SMC1A: variants seen among roughly 807,000 people sequenced by gnomAD.
SMC1A encodes the protein structural maintenance of chromosomes protein 1A.
SMC1A carries 4 observed loss-of-function variants against 94.5 expected under a neutral mutation model. The ratio of observed to expected loss-of-function variants is 0.04; its 90% CI spans 0.02 to 0.10. SMC1A has a LOEUF of 0.10. SMC1A is among the 10% of genes least tolerant of loss of function. The pLI is 1.00. For missense variants in SMC1A, 304 were observed against 989.0 expected, an observed-to-expected ratio of 0.31 and a Z score of 9.29; for synonymous variants, 345 against 347.7, an observed-to-expected ratio of 0.99 and a Z score of 0.09.
At chrX:53,382,088 G>C in intron 22 of SMC1A, 144 bp downstream of exon 22, 5 of 707,559 alleles carry the variant, frequency 7.1e-6, no homozygotes, top group African/African-American at 2.1e-5. Flanking sequence ...AGCCAGATAT[G>C]CTGCAGTAGA....
At chrX:53,416,808 G>A (rs1179104184) in intron 1 of SMC1A, among the ~76,000 whole-genome samples, 1 of 111,482 alleles carries the variant, frequency 9.0e-6, no homozygotes, top group Non-Finnish European at 1.9e-5. Flanking sequence ...CTTAAAAATG[G>A]TTAATTTAGG....
intron 19 of SMC1A, among the ~76,000 whole-genome samples, chrX:53,385,110 G>A (rs187024393): frequency 9.1e-6 from 1 of 109,817 alleles, no homozygotes. Flanking sequence ...AGATTATAAA[G>A]GGCCTTATAA....
Position 53,403,549 on chromosome X carries a change from C to T in SMC1A, c.2420+17G>A. 1 of 1,155,466 alleles carries T rather than the reference C, an allele frequency of 8.7e-7. No individual in the cohort carries two copies. The highest frequency in any genetic ancestry group is 1.2e-6 in the Non-Finnish European group (1 of 852,871). On this transcript the variant is annotated intron_variant, in intron 15 of 24. Transcript: ENST00000322213. ...CTCAAGGGCATGCCAATCTCTTCTA[C>T]CAATCCTCCCACCTACCGCTTCTTG... is the stretch of plus-strand genomic sequence containing the variant.
intron 16 of SMC1A, 31 bp from the exon 17 acceptor site, chrX:53,396,648 G>A (rs1355131251): frequency 3.3e-6 from 4 of 1,194,099 alleles, no homozygotes; most frequent in Non-Finnish European, 4.5e-6. Context: ...AGGACAATAG[G>A]TGAAGACTTT....
intron 19 of SMC1A, among the ~76,000 whole-genome samples, chrX:53,390,695 C>T (rs1403739959): frequency 9.3e-6 from 1 of 107,874 alleles, no homozygotes; most frequent in Non-Finnish European, 1.9e-5. Flanking sequence ...ATGTGAGCAT[C>T]AAGAAGAAAA....
chrX:53,382,061 A>G lies in SMC1A; in HGVS notation c.3437+171T>C. The G allele has an allele frequency of 5.5e-6, 3 of 540,651 alleles. No homozygotes were observed. In the Admixed American group the frequency reaches 8.3e-5, roughly 15 times the overall value. 44.6% of individuals were successfully genotyped at this position (540,651 alleles called of 1,213,427 possible). A position where few individuals can be genotyped will look rare whatever the true frequency, so the allele number is the denominator to read the frequency against. ...GCAGATGAGGGTGGATGGGGAAGAC[A>G]GGTCCAGAAAAACCAAAGCCAGATA... On this transcript the variant is annotated intron_variant, in intron 22 of 24. Coordinates refer to ENST00000322213, the MANE Select transcript of SMC1A (RefSeq NM_006306.4).
chrX:53,383,825 CTG>C (rs1385280742), intron 19 of SMC1A, among the ~76,000 whole-genome samples: 2 of 112,177 alleles, frequency 1.8e-5, no homozygotes, highest in Non-Finnish European at 3.8e-5. Flanking sequence ...CCATCCTGTC[CTG>C]TGAGCCCTGG....
rs182736523 is a variant in SMC1A, at chrX:53,403,134, T to C, written c.2420+432A>G. On this transcript the variant is annotated intron_variant, in intron 15 of 24. Coordinates refer to ENST00000322213, the MANE Select transcript of SMC1A (RefSeq NM_006306.4). ...AGCCTGGGAAGGTCAAGATTGACAC[T>C]GCACTCCAGTCTCGGAAACAGAGTG... Among the ~76,000 whole-genome samples, 341 of 79,974 alleles carry C rather than the reference T, an allele frequency of 4.3e-3. 1 individual carries two copies. The highest frequency in any genetic ancestry group is 0.012 in the Admixed American group (65 of 5,344). The allele number at this position is 79,974 out of a possible 115,157, so 69.4% of individuals were successfully genotyped here. A position where few individuals can be genotyped will look rare whatever the true frequency, so the allele number is the denominator to read the frequency against.
At chrX:53,403,726 G>T in intron 14 of SMC1A, 51 bp downstream of exon 14, 1 of 1,175,859 alleles carries the variant, frequency 8.5e-7, no homozygotes, top group Non-Finnish European at 1.2e-6. Context: ...CCTGCTTCCA[G>T]TCCCAGTCCT....
chrX:53,405,205 A>C, intron 12 of SMC1A, 40 bp downstream of exon 12: 1 of 1,212,050 alleles, frequency 8.3e-7, no homozygotes, highest in East Asian at 3.0e-5. Context: ...ACCTAGGCTT[A>C]GGACTCCCAC....
At chrX:53,412,292 G>A (rs1556890642) in intron 5 of SMC1A, 39 bp from the exon 6 acceptor site, 1 of 1,191,033 alleles carries the variant, frequency 8.4e-7, no homozygotes. Context: ...TGAGAACTAT[G>A]GAAGAAGGGA....
In SMC1A at chrX:53,414,843, T is replaced by C; in HGVS notation, c.326A>G (p.Asn109Ser). 4 of 1,206,298 alleles carry C rather than the reference T, an allele frequency of 3.3e-6. No homozygotes were observed. Among genetic ancestry groups the C allele is most frequent in the Non-Finnish European group, 4.5e-6 (4 of 890,582 alleles). The change falls in exon 3 of 25, where the codon AAC becomes AGC. Residue 109 changes from asparagine to serine, a missense_variant. By Grantham distance (46) the Asn-to-Ser change is conservative. Around this residue, in one of 11 missense-constraint regions of SMC1A, gnomAD observed 120 missense variants for 314.9 expected, o/e 0.38. Coordinates refer to ENST00000322213, the MANE Select transcript of SMC1A (RefSeq NM_006306.4). ...GTACTCATGTAGTTGGACCACTTTG[T>C]TGTTGATCTTGTACTCAGAAGAACC... ...VGGSSEYKIN[N>S]KVVQLHEYSE...
intron 1 of SMC1A, among the ~76,000 whole-genome samples, chrX:53,419,574 G>A (rs1304606401): frequency 3.7e-5 from 4 of 107,252 alleles, no homozygotes; most frequent in African/African-American, 1.0e-4. Context: ...ACCTGTAATC[G>A]CAGCACTTTG....
rs188508593 is a variant in SMC1A, at chrX:53,386,674, G to A, written c.2974-3421C>T. ...CAAATGTGGTAAAATATTCACTGGTGAATCTAAGGTGAAAGGCATATGAGT... is the reference window on the plus strand; with the variant it reads ...CAAATGTGGTAAAATATTCACTGGTAAATCTAAGGTGAAAGGCATATGAGT... On this transcript the variant is annotated intron_variant, in intron 19 of 24. Coordinates refer to ENST00000322213, the MANE Select transcript of SMC1A (RefSeq NM_006306.4). Among the ~76,000 whole-genome samples, 32 of 111,640 alleles carry A rather than the reference G, an allele frequency of 2.9e-4. No individual in the cohort carries two copies. In the East Asian group the frequency reaches 7.3e-3, roughly 25 times the overall value.
intron 16 of SMC1A, among the ~76,000 whole-genome samples, chrX:53,398,813 G>A (rs1298331031): frequency 3.6e-5 from 4 of 111,651 alleles, no homozygotes; most frequent in Non-Finnish European, 7.5e-5. Context: ...TATAAATAAT[G>A]CTTGTTATAA....
chrX:53,396,186 G>A (rs1466619962), intron 18 of SMC1A, 41 bp downstream of exon 18: 2 of 1,190,809 alleles, frequency 1.7e-6, no homozygotes, highest in African/African-American at 3.5e-5. Flanking sequence ...CCTGGTTAAT[G>A]ATGTTCATCG....
At position 53,413,321 on chromosome X, in the gene SMC1A, C is replaced by T; in HGVS notation, c.526G>A (p.Val176Met). The change falls in exon 4 of 25, where the codon GTG becomes ATG. Residue 176 changes from valine to methionine, a missense_variant. Around this residue, in one of 11 missense-constraint regions of SMC1A, gnomAD observed 120 missense variants for 314.9 expected, o/e 0.38. Coordinates refer to ENST00000322213, the MANE Select transcript of SMC1A (RefSeq NM_006306.4). ...AACTGTGTGTCCTCTTCAGCCTTCA[C>T]CATTTCCTTCTTTCGCTTGTCATAC... Reference protein sequence around the residue: ...QEYDKRKKEMVKAEEDTQFNY... With the variant: ...QEYDKRKKEMMKAEEDTQFNY... The T allele has an allele frequency of 1.7e-6, 2 of 1,211,856 alleles. No homozygotes were observed. The highest frequency in any genetic ancestry group is 1.1e-6 in the Non-Finnish European group (1 of 895,462).
intron 19 of SMC1A, among the ~76,000 whole-genome samples, chrX:53,384,773 C>T (rs1051597891): frequency 9.0e-5 from 10 of 110,516 alleles, no homozygotes; most frequent in Non-Finnish European, 1.9e-4. Context: ...TAGGGAGACT[C>T]CGTCTCTACA....
In SMC1A at chrX:53,389,842, C is replaced by CTTTTTT. The variant is rs1193457348; in HGVS notation, c.2973+4930_2973+4935dup. 1.3e-3 allele frequency among the ~76,000 whole-genome samples: 74 copies of CTTTTTT among 55,087 alleles called. 1 individual carries two copies. The highest frequency in any genetic ancestry group is 2.2e-3 in the African/African-American group (30 of 13,667). The allele number at this position is 55,087 out of a possible 115,157, so 47.8% of individuals were successfully genotyped here. A position where few individuals can be genotyped will look rare whatever the true frequency, so the allele number is the denominator to read the frequency against. On this transcript the variant is annotated intron_variant, in intron 19 of 24. Transcript: ENST00000322213. ...AAATGAAATATGATGTCCAGAATTT[C>CTTTTTT]TTTTTTTTTTTTTTTTTTTTTTTTT...
Sources: gnomAD v4.1 joint callset for allele counts (sites outside exome capture counted in the v4.1 genomes callset) on GRCh38, gnomAD v4.1.1 for gene constraint, gnomAD v4.1.1 regional missense constraint, MANE v1.5 for transcripts, NCBI Gene and HGNC (gene_info 2026-07-23, HGNC 2026-07-21) for gene names.